The following FRK variants were observed in gnomAD, a reference collection of about 807,000 sequenced individuals.
The protein encoded by FRK is tyrosine-protein kinase FRK.
A neutral mutation model predicts 56.4 loss-of-function variants in FRK; 51 were observed. The ratio of observed to expected loss-of-function variants is 0.90; its 90% CI spans 0.72 to 1.14. The LOEUF is 1.14. FRK is among the 50% of genes most tolerant of loss of function. The pLI, the probability that FRK is intolerant of heterozygous loss-of-function variation, is 0.00. For synonymous variants in FRK, 245 were observed against 217.9 expected (o/e 1.12, Z -1.10); for missense variants, 570 against 601.4 (o/e 0.95, Z 0.55).
At chr6:116,077,304 G>A in the FRK span, among the ~76,000 whole-genome samples, 1 of 152,200 alleles carries the variant, frequency 6.6e-6, no homozygotes, top group Non-Finnish European at 1.5e-5. Flanking sequence ...TGATGTTGTG[G>A]AAGGAATATT....
In FRK at chr6:116,004,011, A is replaced by G. The variant is rs748623211; in HGVS notation, c.345-13T>C. 2 of 1,608,622 alleles carry G rather than the reference A, an allele frequency of 1.2e-6. No individual in the cohort carries two copies. Among genetic ancestry groups the G allele is most frequent in the Non-Finnish European group, 1.7e-6 (2 of 1,176,620 alleles). On this transcript the variant is annotated splice_polypyrimidine_tract_variant and intron_variant, in intron 1 of 7. Transcript: ENST00000606080. ...TCCAAAGAACCACCTAAAAAGAGAG[A>G]TATGTAAATGTTAAGTAACCAATTA... is the stretch of plus-strand genomic sequence containing the variant.
intron 2 of FRK, among the ~76,000 whole-genome samples, chr6:115,994,264 T>C (rs1774737715): frequency 6.6e-6 from 1 of 150,628 alleles, no homozygotes. Flanking sequence ...TATCAAAGAA[T>C]TGGGGTCCTA....
chr6:116,066,433 ATGTG>A, the FRK span, among the ~76,000 whole-genome samples: 4 of 150,590 alleles, frequency 2.7e-5, no homozygotes, highest in East Asian at 5.8e-4. Flanking sequence ...ATATATATAT[ATGTG>A]TGTGTGTGTG....
At chr6:116,067,265 G>C in the FRK span, among the ~76,000 whole-genome samples, 45 of 152,206 alleles carry the variant, frequency 3.0e-4, no homozygotes, top group Non-Finnish European at 5.1e-4. Context: ...CAGACTTCTA[G>C]CCTTCAGAAC....
At chr6:115,976,040 A>G (rs1773979751) in intron 2 of FRK, among the ~76,000 whole-genome samples, 1 of 152,100 alleles carries the variant, frequency 6.6e-6, no homozygotes, top group Non-Finnish European at 1.5e-5. Context: ...GAGAGGATCT[A>G]TGAGATCTAG....
intron 5 of FRK, among the ~76,000 whole-genome samples, chr6:115,952,398 C>T (rs1392270852): frequency 1.3e-5 from 2 of 151,942 alleles, no homozygotes; most frequent in Non-Finnish European, 2.9e-5. Flanking sequence ...GTTAGAATGG[C>T]AATCATTAAA....
rs976714121 is a variant in FRK, at chr6:115,941,071, T to C, written c.*1343A>G. 2.0e-5 allele frequency: 3 copies of C among 152,180 alleles called. No homozygotes were observed. The highest frequency in any genetic ancestry group is 7.2e-5 in the African/African-American group (3 of 41,434). The allele number at this position is 152,180 out of a possible 1,614,324, so 9.4% of individuals were successfully genotyped here. The stretch of plus-strand genomic sequence containing the variant: ...ATGTTTATTGTGGCACTATTCACAA[T>C]AGCAAAGACTTGGAACCAACCCAAA... On this transcript the variant is annotated 3_prime_UTR_variant, in exon 8 of 8. Coordinates refer to ENST00000606080, the MANE Select transcript of FRK (RefSeq NM_002031.3).
chr6:116,087,334 T>C, the FRK span, among the ~76,000 whole-genome samples: 652 of 152,314 alleles, frequency 4.3e-3, 7 homozygotes, highest in African/African-American at 0.015. Flanking sequence ...AATAGAAGTT[T>C]ATTCAATAAA....
At chr6:116,086,887 G>A in the FRK span, among the ~76,000 whole-genome samples, 1 of 152,188 alleles carries the variant, frequency 6.6e-6, no homozygotes, top group Non-Finnish European at 1.5e-5. Flanking sequence ...AAATAACTTA[G>A]AGCTGGAGGA....
At chr6:116,075,550 C>G in the FRK span, among the ~76,000 whole-genome samples, 1 of 150,866 alleles carries the variant, frequency 6.6e-6, no homozygotes, top group African/African-American at 2.4e-5. Flanking sequence ...TTGTTTCAGT[C>G]AAAGGATCAA....
intron 1 of FRK, among the ~76,000 whole-genome samples, chr6:116,040,966 A>G (rs1776686633): frequency 6.6e-6 from 1 of 152,144 alleles, no homozygotes; most frequent in African/African-American, 2.4e-5. Flanking sequence ...AAAAGATGGT[A>G]GAAATTTCCT....
intron 1 of FRK, among the ~76,000 whole-genome samples, chr6:116,035,635 G>A (rs1776450377): frequency 1.3e-5 from 2 of 152,020 alleles, no homozygotes; most frequent in South Asian, 4.1e-4. Flanking sequence ...AAAAAATGAA[G>A]AAGCAAGGAA....
At chr6:116,090,678 A>AG in the FRK span, among the ~76,000 whole-genome samples, 3 of 152,214 alleles carry the variant, frequency 2.0e-5, no homozygotes, top group African/African-American at 7.2e-5. Flanking sequence ...CCATTAACCA[A>AG]GGATCAAAAT....
chr6:115,981,312 G>A (rs1336917491), intron 2 of FRK, among the ~76,000 whole-genome samples: 2 of 151,974 alleles, frequency 1.3e-5, no homozygotes, highest in Non-Finnish European at 2.9e-5. Context: ...TTTAAAGATG[G>A]TTTAATTTTT....
chr6:115,956,395 A>T (rs145398805), intron 5 of FRK, 57 bp downstream of exon 5: 40 of 1,322,974 alleles, frequency 3.0e-5, no homozygotes, highest in Non-Finnish European at 3.6e-5. Context: ...ATTGACACTT[A>T]TGGGACTAGC....
intron 1 of FRK, among the ~76,000 whole-genome samples, chr6:116,017,812 T>C (rs1304017885): frequency 6.6e-6 from 1 of 152,150 alleles, no homozygotes; most frequent in Non-Finnish European, 1.5e-5. Flanking sequence ...TAACATCTTC[T>C]CCTAAATCCT....
intron 1 of FRK, among the ~76,000 whole-genome samples, chr6:116,035,786 C>T (rs561267527): frequency 1.6e-4 from 25 of 152,128 alleles, no homozygotes; most frequent in African/African-American, 5.1e-4. Context: ...AACAAGTACT[C>T]AGTTGTTGCA....
At chr6:115,967,894 T>A (rs1244698401) in intron 3 of FRK, among the ~76,000 whole-genome samples, 175 bp from the exon 4 acceptor site, 1 of 152,206 alleles carries the variant, frequency 6.6e-6, no homozygotes, top group African/African-American at 2.4e-5. Context: ...CTGCATTTGT[T>A]AACTCTTCAA....
chr6:116,095,582 G>A, the FRK span, among the ~76,000 whole-genome samples: 1 of 152,084 alleles, frequency 6.6e-6, no homozygotes, highest in Non-Finnish European at 1.5e-5. Context: ...ATCAGTGCAG[G>A]GTCATGCAAC....
Sources: allele counts gnomAD v4.1 joint callset (sites outside exome capture counted in the v4.1 genomes callset), GRCh38; gene constraint gnomAD v4.1.1; transcripts MANE v1.5; gene names NCBI Gene and HGNC (gene_info 2026-07-23, HGNC 2026-07-21).